The following FAR2 variants were observed in gnomAD, a reference collection of about 807,000 sequenced individuals.
FAR2 encodes epididymis secretory protein Li 81.
A neutral mutation model predicts 56.0 loss-of-function variants in FAR2; 19 were observed. The observed-to-expected ratio is 0.34, with a 90% CI of 0.24 to 0.50. The LOEUF is 0.50. Among genes scored for constraint, FAR2 ranks in the 20% least tolerant of loss-of-function variants. FAR2 has a pLI of 0.98. For synonymous variants in FAR2, 219 were observed against 218.8 expected, an observed-to-expected ratio of 1.00 and a Z score of -0.01; for missense variants, 508 against 642.2, an observed-to-expected ratio of 0.79 and a Z score of 2.26.
intron 1 of FAR2, among the ~76,000 whole-genome samples, chr12:29,239,320 G>C (rs1233404459): frequency 1.3e-5 from 2 of 152,140 alleles, no homozygotes; most frequent in African/African-American, 2.4e-5. Flanking sequence ...GGAATGGCTA[G>C]AGAACTGGCA....
At chr12:29,258,970 G>A (rs757749705) in intron 1 of FAR2, among the ~76,000 whole-genome samples, 10 of 152,230 alleles carry the variant, frequency 6.6e-5, no homozygotes, top group Middle Eastern at 3.4e-3. Flanking sequence ...TTTTCCATAC[G>A]TGTAATTTGC....
chr12:29,193,716 G>T (rs936999340), intron 1 of FAR2, among the ~76,000 whole-genome samples: 15 of 152,200 alleles, frequency 9.9e-5, no homozygotes, highest in African/African-American at 3.6e-4. Context: ...ACATTTGTGT[G>T]CAGGTTTTTG....
At chr12:29,284,427 AAGAC>A (rs1948838066) in intron 2 of FAR2, among the ~76,000 whole-genome samples, 1 of 152,214 alleles carries the variant, frequency 6.6e-6, no homozygotes, top group Middle Eastern at 3.2e-3. Context: ...TTTATAAACA[AAGAC>A]AGAGCTAGGC....
chr12:29,278,049 A>G (rs1948730615), intron 2 of FAR2, among the ~76,000 whole-genome samples: 1 of 148,402 alleles, frequency 6.7e-6, no homozygotes, highest in Admixed American at 6.9e-5. Context: ...CTCTTGCCTC[A>G]ACCTCCTGAG....
intron 4 of FAR2, among the ~76,000 whole-genome samples, chr12:29,306,845 A>G (rs1262231654): frequency 1.3e-5 from 2 of 152,206 alleles, no homozygotes; most frequent in African/African-American, 4.8e-5. Context: ...TCAGAGCACT[A>G]TAATCACCCC....
At chr12:29,189,082 C>A (rs1022136057) in intron 1 of FAR2, among the ~76,000 whole-genome samples, 2 of 152,088 alleles carry the variant, frequency 1.3e-5, no homozygotes, top group African/African-American at 4.8e-5. Context: ...GCTTTAGAAG[C>A]AGAGCACTAA....
chr12:29,192,578 A>T (rs983479717), intron 1 of FAR2, among the ~76,000 whole-genome samples: 2 of 152,198 alleles, frequency 1.3e-5, no homozygotes, highest in Non-Finnish European at 2.9e-5. Flanking sequence ...AGTTTTGGGT[A>T]ACTCTAAACC....
intron 1 of FAR2, among the ~76,000 whole-genome samples, chr12:29,194,559 A>C (rs1022021919): frequency 6.8e-6 from 1 of 146,192 alleles, no homozygotes; most frequent in Admixed American, 6.9e-5. Context: ...ACACACACAC[A>C]CCACAGGAGG....
At chr12:29,322,918 G>A (rs112529937) in intron 10 of FAR2, among the ~76,000 whole-genome samples, 4,838 of 152,218 alleles carry the variant, frequency 0.032, 104 homozygotes, top group South Asian at 0.07. Flanking sequence ...TTCGGCTCAC[G>A]CACGGTGCAC....
intron 1 of FAR2, among the ~76,000 whole-genome samples, chr12:29,237,307 C>T (rs935927985): frequency 1.3e-5 from 2 of 152,094 alleles, no homozygotes; most frequent in Non-Finnish European, 2.9e-5. Flanking sequence ...TGTTATTTGC[C>T]TTTTTTACTG....
intron 1 of FAR2, among the ~76,000 whole-genome samples, chr12:29,244,266 A>C (rs1183073166): frequency 6.6e-6 from 1 of 152,214 alleles, no homozygotes; most frequent in Non-Finnish European, 1.5e-5. Context: ...GCCAATGAAC[A>C]CATTAAATAC....
At position 29,152,359 on chromosome 12, in the gene FAR2, A is replaced by G. The variant is rs1382209693; in HGVS notation, c.-39+2952A>G. Among the ~76,000 whole-genome samples the G allele has an allele frequency of 2.0e-5, 3 of 152,222 alleles. No individual in the cohort carries two copies. In the East Asian group the frequency reaches 5.8e-4, roughly 29 times the overall value. ...GTACACCTAGTCTCTTGCCAAATACACCTAGTGACCTTTTGTAACTCTGGT... is the reference window on the plus strand; with the variant it reads ...GTACACCTAGTCTCTTGCCAAATACGCCTAGTGACCTTTTGTAACTCTGGT... On this transcript the variant is annotated intron_variant, in intron 1 of 11. Coordinates refer to ENST00000536681, the MANE Select transcript of FAR2 (RefSeq NM_001271783.2).
intron 1 of FAR2, among the ~76,000 whole-genome samples, chr12:29,177,036 T>G (rs1949945710): frequency 6.6e-6 from 1 of 152,246 alleles, no homozygotes; most frequent in Non-Finnish European, 1.5e-5. Flanking sequence ...CGAGTGCTTA[T>G]GTCACAAAAT....
intron 10 of FAR2, 91 bp from the exon 11 acceptor site, chr12:29,332,509 G>A: frequency 6.4e-7 from 1 of 1,554,750 alleles, no homozygotes; most frequent in Non-Finnish European, 8.7e-7. Context: ...CAAATTGAAG[G>A]TCACTCGTCT....
Position 29,333,560 on chromosome 12 carries a change from C to T in FAR2, c.1386-72C>T, listed in dbSNP as rs935619700. The T allele has an allele frequency of 5.1e-6, 7 of 1,380,734 alleles. No homozygotes were observed. In the African/African-American group the frequency reaches 1.0e-4, roughly 20 times the overall value. 85.5% of individuals were successfully genotyped at this position (1,380,734 alleles called of 1,614,324 possible). A position where few individuals can be genotyped will look rare whatever the true frequency, so the allele number is the denominator to read the frequency against. ...CTTGCCAGTCATATCCAGGAAAACACATATTTATCTTCAGATAATGTGGTT... is the reference window on the plus strand; with the variant it reads ...CTTGCCAGTCATATCCAGGAAAACATATATTTATCTTCAGATAATGTGGTT... On this transcript the variant is annotated intron_variant, in intron 11 of 11. Coordinates refer to ENST00000536681, the MANE Select transcript of FAR2 (RefSeq NM_001271783.2).
chr12:29,320,885 T>C (rs1173596497), intron 9 of FAR2, among the ~76,000 whole-genome samples: 1 of 152,082 alleles, frequency 6.6e-6, no homozygotes, highest in African/African-American at 2.4e-5. Context: ...GGACACAGGG[T>C]AGTGAGATTA....
chr12:29,307,780 A>C lies in FAR2; in HGVS notation c.668A>C (p.Asn223Thr). The C allele has an allele frequency of 6.2e-7, 1 of 1,613,124 alleles. No individual in the cohort carries two copies. Among genetic ancestry groups the C allele is most frequent in the Middle Eastern group, 1.9e-4 (1 of 5,366 alleles). ...GTGCAGCAAGAGAGCAGGAACCTGA[A>C]CATTGCCATCATAAGGCCCTCCATT... ...MVVQQESRNL[N>T]IAIIRPSIVG... The change falls in exon 5 of 12, where the codon AAC becomes ACC. Residue 223 changes from asparagine to threonine, a missense_variant. Transcript: ENST00000536681.
At chr12:29,267,061 A>C (rs1211805815) in intron 1 of FAR2, among the ~76,000 whole-genome samples, 2 of 152,196 alleles carry the variant, frequency 1.3e-5, no homozygotes, top group Non-Finnish European at 2.9e-5. Flanking sequence ...TATCCTATTA[A>C]AGAAGTAGGG....
At chr12:29,225,322 C>T (rs962784907) in intron 1 of FAR2, among the ~76,000 whole-genome samples, 5 of 152,112 alleles carry the variant, frequency 3.3e-5, no homozygotes, top group Non-Finnish European at 7.4e-5. Context: ...CTTTGAGCCT[C>T]AGTTGTCTTA....
Sources: allele counts gnomAD v4.1 joint callset (sites outside exome capture counted in the v4.1 genomes callset), GRCh38; gene constraint gnomAD v4.1.1; transcripts MANE v1.5; gene names NCBI Gene and HGNC (gene_info 2026-07-23, HGNC 2026-07-21).